Variants in SYNJ1 observed in about 807,000 individuals in gnomAD.
SYNJ1 encodes the protein polyphosphatidylinositol phosphatase SYNJ1.
A neutral mutation model predicts 168.2 loss-of-function variants in SYNJ1; 78 were observed. The ratio of observed to expected loss-of-function variants is 0.46; its 90% CI spans 0.39 to 0.56. SYNJ1 has a LOEUF of 0.56. Among genes scored for constraint, SYNJ1 ranks in the 20% least tolerant of loss-of-function variants. The pLI is 0.00. For missense variants in SYNJ1, 1,303 were observed against 1,597.6 expected, an observed-to-expected ratio of 0.82 and a Z score of 3.14; for synonymous variants, 539 against 548.6, an observed-to-expected ratio of 0.98 and a Z score of 0.24.
At position 32,642,178 on chromosome 21, in the gene SYNJ1, T is replaced by C. The variant is rs368844575; in HGVS notation, c.3479-45A>G. On this transcript the variant is annotated intron_variant, in intron 27 of 32. Coordinates refer to ENST00000674351, the MANE Select transcript of SYNJ1 (RefSeq NM_203446.3). Reference sequence around the variant, plus strand: ...AAAAAAATTAGTTGTAAGTTAACAATTAAGCAATATTGCATAACATCAGCT... The same window carrying C: ...AAAAAAATTAGTTGTAAGTTAACAACTAAGCAATATTGCATAACATCAGCT... 1.9e-6 allele frequency: 3 copies of C among 1,606,466 alleles called. No homozygotes were observed. The Middle Eastern group carries it at 5.7e-4, about 306-fold the overall frequency.
At chr21:32,646,324 C>A in intron 24 of SYNJ1, 69 bp downstream of exon 24, 1 of 1,491,090 alleles carries the variant, frequency 6.7e-7, no homozygotes, top group Non-Finnish European at 9.2e-7. Flanking sequence ...GAAACTTAAA[C>A]GATGACTCTC....
At chr21:32,672,486 C>T (rs1216206324) in intron 14 of SYNJ1, among the ~76,000 whole-genome samples, 1 of 151,800 alleles carries the variant, frequency 6.6e-6, no homozygotes, top group Non-Finnish European at 1.5e-5. Flanking sequence ...ATTACAGGCG[C>T]ACACCACCAC....
At chr21:32,690,742 G>A (rs1237025003) in intron 6 of SYNJ1, among the ~76,000 whole-genome samples, 3 of 152,126 alleles carry the variant, frequency 2.0e-5, no homozygotes, top group Non-Finnish European at 4.4e-5. Flanking sequence ...GACCAACATG[G>A]TGAAACCTTG....
At chr21:32,677,992 A>G (rs1404301338) in intron 12 of SYNJ1, among the ~76,000 whole-genome samples, 1 of 152,176 alleles carries the variant, frequency 6.6e-6, no homozygotes, top group Non-Finnish European at 1.5e-5. Context: ...TAATCTATTA[A>G]ATTCTACAAT....
chr21:32,713,314 G>T (rs1440464693), intron 2 of SYNJ1, among the ~76,000 whole-genome samples: 1 of 143,984 alleles, frequency 6.9e-6, no homozygotes, highest in South Asian at 2.3e-4. Flanking sequence ...CAACATGGAT[G>T]ATTTCCCATG....
chr21:32,706,947 A>G (rs1475841), intron 2 of SYNJ1, among the ~76,000 whole-genome samples: 70,438 of 152,070 alleles, frequency 0.46, 16,495 homozygotes, highest in African/African-American at 0.52. Flanking sequence ...AAAATACAGC[A>G]CTTGGAAATA....
In SYNJ1 at chr21:32,673,871, A is replaced by G. The variant is rs2041301769; in HGVS notation, c.1535-340T>C. On this transcript the variant is annotated intron_variant, in intron 13 of 32. Transcript: ENST00000674351. ...GGTACATTAATGTACAAATCCAATG[A>G]ACTATACATTTTTAGGAATATAGCA... 2.0e-5 allele frequency among the ~76,000 whole-genome samples: 3 copies of G among 152,232 alleles called. No homozygotes were observed. The East Asian group carries it at 5.8e-4, about 29-fold the overall frequency.
upstream of SYNJ1, chr21:32,728,084 G>A (rs2122964504): frequency 1.1e-5 from 16 of 1,516,214 alleles, no homozygotes; most frequent in Admixed American, 2.6e-4. Flanking sequence ...CGCGAGGGAA[G>A]GGGCGGGGCA....
chr21:32,678,744 A>C lies in SYNJ1; in HGVS notation c.1411T>G (p.Ser471Ala). ...AAAACATCAATGGCCTCTTGCTTGG[A>C]GCTGTCAAAGAAGTTATTCTGAATT... ...RTIQNNFFDS[S>A]KQEAIDVLLL... Residue 471 changes from serine (S) to alanine (A), a missense_variant, in exon 12 of 33, where the codon TCC becomes GCC. Coordinates refer to ENST00000674351, the MANE Select transcript of SYNJ1 (RefSeq NM_203446.3). 6.2e-7 allele frequency: 1 copy of C among 1,613,500 alleles called. No individual in the cohort carries two copies.
intron 2 of SYNJ1, among the ~76,000 whole-genome samples, chr21:32,725,210 A>C (rs1046151216): frequency 1.3e-5 from 2 of 152,220 alleles, no homozygotes; most frequent in Non-Finnish European, 2.9e-5. Flanking sequence ...ATACAAGATT[A>C]GTAAGTCAGG....
chr21:32,676,612 C>T (rs1040800054), intron 12 of SYNJ1, among the ~76,000 whole-genome samples: 2 of 152,174 alleles, frequency 1.3e-5, no homozygotes, highest in African/African-American at 4.8e-5. Context: ...CCTAGGCCTG[C>T]GCTTCTGGCT....
intron 14 of SYNJ1, among the ~76,000 whole-genome samples, chr21:32,672,164 C>T (rs964778436): frequency 2.8e-5 from 4 of 143,366 alleles, no homozygotes; most frequent in African/African-American, 5.2e-5. Flanking sequence ...TAAGATGAAA[C>T]TGATGAAAAA....
chr21:32,708,514 T>C (rs779931090), intron 2 of SYNJ1, among the ~76,000 whole-genome samples: 111 of 152,204 alleles, frequency 7.3e-4, no homozygotes, highest in Non-Finnish European at 1.2e-3. Context: ...CAGAAGAGAA[T>C]TGCTTTCGGA....
chr21:32,717,410 T>C (rs2043064056), intron 2 of SYNJ1, among the ~76,000 whole-genome samples: 2 of 152,204 alleles, frequency 1.3e-5, no homozygotes, highest in Admixed American at 1.3e-4. Context: ...AGGTATATTT[T>C]CCTATATTCC....
chr21:32,720,864 G>C (rs2043194832), intron 2 of SYNJ1, among the ~76,000 whole-genome samples: 1 of 152,108 alleles, frequency 6.6e-6, no homozygotes, highest in Non-Finnish European at 1.5e-5. Flanking sequence ...CTTCTATTTA[G>C]GATATAATTA....
At chr21:32,639,615 C>A in intron 30 of SYNJ1, 56 bp downstream of exon 30, 1 of 1,460,856 alleles carries the variant, frequency 6.8e-7, no homozygotes, top group South Asian at 1.1e-5. Flanking sequence ...CCAAGCTGGT[C>A]TCAAATTTCT....
At chr21:32,727,503 G>A (rs901528538) in intron 1 of SYNJ1, among the ~76,000 whole-genome samples, 1 of 152,058 alleles carries the variant, frequency 6.6e-6, no homozygotes. Context: ...CTGGGGGGAC[G>A]GCAGGCGGGG....
chr21:32,634,640 A>C (rs1174931160), intron 32 of SYNJ1, among the ~76,000 whole-genome samples: 1 of 152,244 alleles, frequency 6.6e-6, no homozygotes, highest in Non-Finnish European at 1.5e-5. Context: ...AAAAAAATGA[A>C]GCAAAAAGTG....
At position 32,641,899 on chromosome 21, in the gene SYNJ1, T is replaced by C. The variant is rs1404447301; in HGVS notation, c.3585A>G (p.Arg1195=). The change falls in exon 29 of 33, where the codon AGA becomes AGG. Residue 1195 remains arginine, a synonymous_variant. Coordinates refer to ENST00000674351, the MANE Select transcript of SYNJ1 (RefSeq NM_203446.3). ...GPGPAGYSTA[R]PTIPPRAGVI... ...CCCCAGGCGAGGTTTTACCTACCGG[T>C]CTGGCTGTACTGTATCCAGCAGGTC... The C allele has an allele frequency of 6.2e-7, 1 of 1,610,452 alleles. No individual in the cohort carries two copies. Among genetic ancestry groups the C allele is most frequent in the Admixed American group, 1.7e-5 (1 of 59,766 alleles).
Sources: allele counts gnomAD v4.1 joint callset (sites outside exome capture counted in the v4.1 genomes callset), GRCh38; gene constraint gnomAD v4.1.1; transcripts MANE v1.5; gene names NCBI Gene and HGNC (gene_info 2026-07-23, HGNC 2026-07-21).